Variants in ZNF462 observed in about 807,000 individuals in gnomAD.
ZNF462 encodes the protein zinc finger PBX1-interacting protein.
ZNF462 carries 10 observed loss-of-function variants against 201.9 expected under a neutral mutation model. The ratio of observed to expected loss-of-function variants is 0.05; its 90% CI spans 0.03 to 0.08. ZNF462 has a LOEUF of 0.08. Among genes scored for constraint, ZNF462 ranks in the 10% least tolerant of loss-of-function variants. ZNF462 has a pLI of 1.00. For missense variants in ZNF462, 2,523 were observed against 3,168.3 expected, an observed-to-expected ratio of 0.80 and a Z score of 4.89; for synonymous variants, 1,227 against 1,193.3, an observed-to-expected ratio of 1.03 and a Z score of -0.58.
rs1221646398 is a variant in ZNF462 at position 106,993,739 on chromosome 9, TG to T, written c.7056+9331del. On this transcript the variant is annotated intron_variant, in intron 10 of 12. Coordinates refer to ENST00000277225, the MANE Select transcript of ZNF462 (RefSeq NM_021224.6). This position sits in a 1 kb window ranked among gnomAD's most constrained non-coding sequence, Gnocchi z 4.0. ...CTTTATTAGCAATACTGTTGAAAGATGAAGACAACATTTTTTCTTTTTTGAG... is the reference window on the plus strand; with the variant it reads ...CTTTATTAGCAATACTGTTGAAAGATAAGACAACATTTTTTCTTTTTTGAG... Among the ~76,000 whole-genome samples the T allele has an allele frequency of 6.6e-6, 1 of 151,970 alleles. No homozygotes were observed. Among genetic ancestry groups the T allele is most frequent in the African/African-American group, 2.4e-5 (1 of 41,380 alleles).
intron 1 of ZNF462, among the ~76,000 whole-genome samples, chr9:106,918,911 T>C (rs1351482671): frequency 6.6e-6 from 1 of 152,232 alleles, no homozygotes; most frequent in Non-Finnish European, 1.5e-5. Flanking sequence ...ATTAGAATTA[T>C]GATTGAGGAG....
At chr9:106,958,299 T>G (rs1299636697) in intron 7 of ZNF462, among the ~76,000 whole-genome samples, 1 of 152,100 alleles carries the variant, frequency 6.6e-6, no homozygotes, top group East Asian at 1.9e-4. Context: ...CTTAAAGCCC[T>G]TCCGTGGCTG....
intron 1 of ZNF462, among the ~76,000 whole-genome samples, chr9:106,881,608 A>G (rs1828101384): frequency 6.6e-6 from 1 of 152,238 alleles, no homozygotes; most frequent in East Asian, 1.9e-4. Flanking sequence ...TTCTATAGGT[A>G]GAGCACTGTT....
intron 1 of ZNF462, among the ~76,000 whole-genome samples, chr9:106,897,044 TAAAC>T (rs1564083131): frequency 6.6e-6 from 1 of 152,202 alleles, no homozygotes. Flanking sequence ...TGAAAACATT[TAAAC>T]AAACAGACAA....
In ZNF462 at chr9:106,924,176, C is replaced by A. The variant is rs770953097; in HGVS notation, c.264C>A (p.His88Gln). The A allele has an allele frequency of 4.3e-6, 7 of 1,612,064 alleles. No homozygotes were observed. In the Admixed American group the frequency reaches 1.2e-4, roughly 27 times the overall value. The change falls in exon 3 of 13, where the codon CAC becomes CAA. Residue 88 changes from histidine (H) to glutamine (Q), a missense_variant. This residue lies in a region of ZNF462 where 480 missense variants were observed against 544.4 expected (regional missense o/e 0.88). Transcript: ENST00000277225. The surrounding 1 kb of genome is among the most constrained non-coding windows in gnomAD (Gnocchi z 6.2). ...TSLGTGGYYG[H>Q]SPGYYGQHIA... ...TGGGGACCGGAGGTTACTATGGCCACAGTCCAGGATATTATGGTCAGCATA... is the reference window on the plus strand; with the variant it reads ...TGGGGACCGGAGGTTACTATGGCCAAAGTCCAGGATATTATGGTCAGCATA...
chr9:106,863,266 C>G lies in ZNF462; in HGVS notation c.-120C>G. The G allele has an allele frequency of 2.5e-6, 1 of 399,156 alleles. No homozygotes were observed. The highest frequency in any genetic ancestry group is 4.4e-6 in the Non-Finnish European group (1 of 226,256). 24.7% of individuals were successfully genotyped at this position (399,156 alleles called of 1,614,324 possible). On this transcript the variant is annotated 5_prime_UTR_variant, in exon 1 of 13. Transcript: ENST00000277225. Reference sequence around the variant, plus strand: ...CCCAAACAACTTCCACAACAATAACCCGAGCAGGAAGAGGAGAAAGAGAAA... The same window carrying G: ...CCCAAACAACTTCCACAACAATAACGCGAGCAGGAAGAGGAGAAAGAGAAA...
In ZNF462 at chr9:107,012,518, A is replaced by G. The variant is rs968489233; in HGVS notation, c.*1488A>G. On this transcript the variant is annotated 3_prime_UTR_variant, in exon 13 of 13. Coordinates refer to ENST00000277225, the MANE Select transcript of ZNF462 (RefSeq NM_021224.6). ...CATATCAGCTTTTTCAGGAGGGAGCAGCTTAGACTAAATCTAAGCCTACAT... is the reference window on the plus strand; with the variant it reads ...CATATCAGCTTTTTCAGGAGGGAGCGGCTTAGACTAAATCTAAGCCTACAT... 1.4e-5 allele frequency: 2 copies of G among 143,416 alleles called. No individual in the cohort carries two copies. Among genetic ancestry groups the G allele is most frequent in the Non-Finnish European group, 3.0e-5 (2 of 66,962 alleles). The allele number at this position is 143,416 out of a possible 1,614,324, so 8.9% of individuals were successfully genotyped here.
chr9:107,003,548 A>G lies in ZNF462; in HGVS notation c.7189+122A>G, dbSNP rs1829346894. The stretch of plus-strand genomic sequence containing the variant: ...GAATGATCCTTCTTAGTTAAGTAGC[A>G]GAACAGACTGACTTAGAAAACACAT... On this transcript the variant is annotated intron_variant, in intron 11 of 12. Transcript: ENST00000277225. The surrounding 1 kb of genome is among the most constrained non-coding windows in gnomAD (Gnocchi z 4.4). 1 of 1,269,844 alleles carries G rather than the reference A, an allele frequency of 7.9e-7. No homozygotes were observed. Among genetic ancestry groups the G allele is most frequent in the Non-Finnish European group, 1.0e-6 (1 of 953,442 alleles). 78.7% of individuals were successfully genotyped at this position (1,269,844 alleles called of 1,614,324 possible). A position where few individuals can be genotyped will look rare whatever the true frequency, so the allele number is the denominator to read the frequency against.
intron 10 of ZNF462, among the ~76,000 whole-genome samples, chr9:106,997,525 A>T (rs1003011772): frequency 6.6e-6 from 1 of 152,196 alleles, no homozygotes; most frequent in African/African-American, 2.4e-5. Flanking sequence ...ACCATTTGGG[A>T]CTGTATGGAC....
rs1346515601 is a variant in ZNF462 at position 106,928,222 on chromosome 9, T to G, written c.4310T>G (p.Phe1437Cys). ...TGTGAAAACAGTATACCCACCCCTT[T>G]CCCGGAGCAGGAAGCTGAATGTCCA... is the stretch of plus-strand genomic sequence containing the variant. ...VNCENSIPTP[F>C]PEQEAECPED... is the part of the protein sequence containing the mutation. The change falls in exon 3 of 13, where the codon TTC becomes TGC. Residue 1437 changes from phenylalanine to cysteine, a missense_variant. Physicochemically the swap from Phe to Cys is radical, Grantham distance 205 (BLOSUM62 -2). This residue lies in a region of ZNF462 where 165 missense variants were observed against 142.6 expected (regional missense o/e 1.16). Coordinates refer to ENST00000277225, the MANE Select transcript of ZNF462 (RefSeq NM_021224.6). The surrounding 1 kb of genome is among the most constrained non-coding windows in gnomAD (Gnocchi z 9.3). 2.5e-6 allele frequency: 4 copies of G among 1,612,706 alleles called. No individual in the cohort carries two copies. Among genetic ancestry groups the G allele is most frequent in the Non-Finnish European group, 3.4e-6 (4 of 1,179,694 alleles).
chr9:107,009,408 GT>G lies in ZNF462; in HGVS notation c.7190-136del. ...CCCTAAGGGGGAAACCTAAGAAAAA[GT>G]GAGGAATCTGGAAATTGCTTTCACC... On this transcript the variant is annotated intron_variant, in intron 11 of 12. Coordinates refer to ENST00000277225, the MANE Select transcript of ZNF462 (RefSeq NM_021224.6). This position sits in a 1 kb window ranked among gnomAD's most constrained non-coding sequence, Gnocchi z 6.1. The G allele has an allele frequency of 8.3e-7, 1 of 1,206,852 alleles. No individual in the cohort carries two copies. Among genetic ancestry groups the G allele is most frequent in the African/African-American group, 1.5e-5 (1 of 65,964 alleles). The allele number at this position is 1,206,852 out of a possible 1,614,324, so 74.8% of individuals were successfully genotyped here.
At chr9:106,861,353 T>C (rs1256465637), upstream of ZNF462, among the ~76,000 whole-genome samples, 1 of 152,154 alleles carries the variant, frequency 6.6e-6, no homozygotes, top group Non-Finnish European at 1.5e-5. Context: ...TTTATAGGTA[T>C]ATATCTTCTC....
intron 11 of ZNF462, among the ~76,000 whole-genome samples, chr9:107,004,845 T>C (rs1829437866): frequency 1.3e-5 from 2 of 152,114 alleles, no homozygotes; most frequent in Admixed American, 1.3e-4. Flanking sequence ...GACTGAAATT[T>C]TGTATCCTTT....
In ZNF462 at chr9:106,950,887, C is replaced by G. The variant is rs902758508; in HGVS notation, c.6427+11780C>G. ...GGCGGATTGCCTGAAGTCAGGAGTTCAAGACCAGCCTGGCCAACATAGTGA... is the reference window on the plus strand; with the variant it reads ...GGCGGATTGCCTGAAGTCAGGAGTTGAAGACCAGCCTGGCCAACATAGTGA... On this transcript the variant is annotated intron_variant, in intron 7 of 12. Transcript: ENST00000277225. This position sits in a 1 kb window ranked among gnomAD's most constrained non-coding sequence, Gnocchi z 4.1. Among the ~76,000 whole-genome samples, 9 of 151,996 alleles carry G rather than the reference C, an allele frequency of 5.9e-5. No individual in the cohort carries two copies. The East Asian group carries it at 1.7e-3, about 29-fold the overall frequency.
At chr9:106,944,417 A>C (rs1440874684) in intron 7 of ZNF462, among the ~76,000 whole-genome samples, 2 of 152,174 alleles carry the variant, frequency 1.3e-5, no homozygotes, top group Non-Finnish European at 2.9e-5. Context: ...GAGATTGGCA[A>C]ACTTTTTCCT....
At chr9:106,958,772 A>G (rs1831694631) in intron 7 of ZNF462, among the ~76,000 whole-genome samples, 1 of 152,128 alleles carries the variant, frequency 6.6e-6, no homozygotes, top group African/African-American at 2.4e-5. Context: ...CATCCACTGT[A>G]GATGACGTGG....
In ZNF462 at chr9:106,935,406, A is replaced by T; in HGVS notation, c.6117-97A>T. On this transcript the variant is annotated intron_variant, in intron 5 of 12. Coordinates refer to ENST00000277225, the MANE Select transcript of ZNF462 (RefSeq NM_021224.6). The surrounding 1 kb of genome is among the most constrained non-coding windows in gnomAD (Gnocchi z 4.1). ...AAAGTAAACAAAAGGACTTTGAACG[A>T]CCTAGAAGTAGGATTCCTGGAAAAA... The T allele has an allele frequency of 9.8e-7, 1 of 1,020,794 alleles. No homozygotes were observed. Among genetic ancestry groups the T allele is most frequent in the South Asian group, 1.4e-5 (1 of 71,670 alleles). 63.2% of individuals were successfully genotyped at this position (1,020,794 alleles called of 1,614,324 possible). A position where few individuals can be genotyped will look rare whatever the true frequency, so the allele number is the denominator to read the frequency against.
chr9:106,973,548 G>C (rs553461327), intron 8 of ZNF462, among the ~76,000 whole-genome samples: 1 of 152,174 alleles, frequency 6.6e-6, no homozygotes, highest in Non-Finnish European at 1.5e-5. Context: ...GCCCATTAAA[G>C]TCTTGGCTTT....
At chr9:106,893,783 G>A (rs925786623) in intron 1 of ZNF462, among the ~76,000 whole-genome samples, 5 of 152,110 alleles carry the variant, frequency 3.3e-5, no homozygotes, top group African/African-American at 9.7e-5. Flanking sequence ...TTTCTATTTA[G>A]CATATGAGAA....
Sources: gnomAD v4.1 joint callset for allele counts (sites outside exome capture counted in the v4.1 genomes callset) on GRCh38, gnomAD v4.1.1 for gene constraint, gnomAD v4.1.1 regional missense constraint, Gnocchi (gnomAD v3.1) non-coding constraint, MANE v1.5 for transcripts, NCBI Gene and HGNC (gene_info 2026-07-23, HGNC 2026-07-21) for gene names.